The following KIF23 variants were observed in gnomAD, a reference collection of about 807,000 sequenced individuals.
KIF23 encodes kinesin-like protein KIF23.
KIF23 carries 30 observed loss-of-function variants against 137.5 expected under a neutral mutation model. That is an observed-to-expected ratio of 0.22 (90% CI 0.16 to 0.30). KIF23 has a LOEUF of 0.30. Ranked by LOEUF, KIF23 falls within the 10% of genes least tolerant of loss-of-function variation. KIF23 has a pLI of 1.00. For synonymous variants in KIF23, 367 were observed against 391.1 expected (o/e 0.94, Z 0.73); for missense variants, 920 against 1,194.3 (o/e 0.77, Z 3.38).
At chr15:69,419,071 C>T (rs1276126107) in intron 3 of KIF23, among the ~76,000 whole-genome samples, 5 of 152,146 alleles carry the variant, frequency 3.3e-5, no homozygotes, top group East Asian at 3.9e-4. Flanking sequence ...GAGCCGAGAT[C>T]GCGCCATTGC....
intron 14 of KIF23, 118 bp from the exon 15 acceptor site, chr15:69,436,446 G>A: frequency 8.4e-7 from 1 of 1,191,566 alleles, no homozygotes. Flanking sequence ...GTAAACTTAT[G>A]TCAGCTCAAG....
At chr15:69,446,241 A>C (rs1162776431) in intron 21 of KIF23, 42 bp from the exon 22 acceptor site, 1 of 1,576,432 alleles carries the variant, frequency 6.3e-7, no homozygotes, top group South Asian at 1.1e-5. Context: ...TCCTCTTCTT[A>C]GATGGAAAAA....
chr15:69,444,573 A>G lies in KIF23; in HGVS notation c.2422-217A>G. On this transcript the variant is annotated intron_variant, in intron 19 of 23. Coordinates refer to ENST00000679126, the MANE Select transcript of KIF23 (RefSeq NM_001367805.3). This position sits in a 1 kb window ranked among gnomAD's most constrained non-coding sequence, Gnocchi z 4.2. Reference sequence around the variant, plus strand: ...GAATTTTTTCTTTTATCCTTTATTGAAAGGGAAACTCCCAGATAGAATGTG... The same window carrying G: ...GAATTTTTTCTTTTATCCTTTATTGGAAGGGAAACTCCCAGATAGAATGTG... 1 of 522,850 alleles carries G rather than the reference A, an allele frequency of 1.9e-6. No homozygotes were observed. Among genetic ancestry groups the G allele is most frequent in the Non-Finnish European group, 3.3e-6 (1 of 302,510 alleles). 32.4% of individuals were successfully genotyped at this position (522,850 alleles called of 1,614,324 possible). A position where few individuals can be genotyped will look rare whatever the true frequency, so the allele number is the denominator to read the frequency against.
At chr15:69,438,009 T>G (rs570050311) in intron 15 of KIF23, among the ~76,000 whole-genome samples, 17 of 152,260 alleles carry the variant, frequency 1.1e-4, no homozygotes, top group Non-Finnish European at 2.2e-4. Context: ...GAGAATGCTA[T>G]AGTGCACAGT....
intron 3 of KIF23, among the ~76,000 whole-genome samples, chr15:69,419,975 A>C (rs1267145232): frequency 6.6e-6 from 1 of 152,164 alleles, no homozygotes; most frequent in African/African-American, 2.4e-5. Context: ...TAATGAAAAG[A>C]GCATTGCTGC....
At position 69,416,300 on chromosome 15, in the gene KIF23, C is replaced by G. The variant is rs181341703; in HGVS notation, c.81+237C>G. Reference sequence around the variant, plus strand: ...AAGTCTTTGGTTGTCAACTGCATACCTTCTGTAATTATAATTTGGAGAGTT... The same window carrying G: ...AAGTCTTTGGTTGTCAACTGCATACGTTCTGTAATTATAATTTGGAGAGTT... On this transcript the variant is annotated intron_variant, in intron 2 of 23. Transcript: ENST00000679126. Among the ~76,000 whole-genome samples, 374 of 152,188 alleles carry G rather than the reference C, an allele frequency of 2.5e-3. 1 individual carries two copies. Among genetic ancestry groups the G allele is most frequent in the African/African-American group, 8.5e-3 (355 of 41,526 alleles).
chr15:69,445,156 G>A, intron 20 of KIF23, 115 bp downstream of exon 20: 1 of 1,009,816 alleles, frequency 9.9e-7, no homozygotes, highest in Non-Finnish European at 1.4e-6. Flanking sequence ...ACATCAGTAG[G>A]TATTTGATAT....
chr15:69,442,364 C>G (rs2057641947), intron 19 of KIF23, among the ~76,000 whole-genome samples: 1 of 152,184 alleles, frequency 6.6e-6, no homozygotes, highest in East Asian at 1.9e-4. Flanking sequence ...TCTTTTGAAT[C>G]TGAATAAATG....
At chr15:69,424,909 G>T (rs1256952729) in intron 7 of KIF23, among the ~76,000 whole-genome samples, 1 of 152,106 alleles carries the variant, frequency 6.6e-6, no homozygotes, top group Admixed American at 6.5e-5. Context: ...ATGTATGCTC[G>T]TGTGCCAACT....
rs1389591472 is a variant in KIF23 at position 69,426,404 on chromosome 15, A to G, written c.958A>G (p.Asn320Asp). 1 of 1,614,028 alleles carries G rather than the reference A, an allele frequency of 6.2e-7. No homozygotes were observed. The highest frequency in any genetic ancestry group is 1.3e-5 in the African/African-American group (1 of 74,932). ...RESSRSHSVFNIKLVQAPLDA... is the reference protein window; with the variant it reads ...RESSRSHSVFDIKLVQAPLDA... ...GTCCAGCCGTTCCCATAGCGTGTTCAACATTAAATTAGTTCAGGCTCCCTT... is the reference window on the plus strand; with the variant it reads ...GTCCAGCCGTTCCCATAGCGTGTTCGACATTAAATTAGTTCAGGCTCCCTT... Residue 320 changes from asparagine (N) to aspartate (D), a missense_variant, in exon 10 of 24, where the codon AAC (asparagine) becomes GAC (aspartate). Coordinates refer to ENST00000679126, the MANE Select transcript of KIF23 (RefSeq NM_001367805.3).
intron 11 of KIF23, chr15:69,434,617 G>A (rs1205133717): frequency 1.5e-6 from 2 of 1,366,832 alleles, no homozygotes; most frequent in African/African-American, 2.9e-5. Flanking sequence ...TAGAAACATA[G>A]TTGATGATGT....
At chr15:69,414,782 G>T in intron 1 of KIF23, 1 of 344,856 alleles carries the variant, frequency 2.9e-6, no homozygotes, top group Non-Finnish European at 5.2e-6. Flanking sequence ...GGGCGGGGCA[G>T]TCCTCCTCGG....
intron 11 of KIF23, chr15:69,434,837 C>T (rs1056380611): frequency 1.1e-6 from 1 of 890,664 alleles, no homozygotes; most frequent in Admixed American, 2.0e-5. Context: ...CAGTAATGTC[C>T]AGGCACAGGG....
chr15:69,430,464 T>G (rs889893211), intron 11 of KIF23, among the ~76,000 whole-genome samples: 2 of 152,092 alleles, frequency 1.3e-5, no homozygotes, highest in Non-Finnish European at 2.9e-5. Context: ...ATAGAGGAGA[T>G]CAGTAGATAA....
Position 69,440,304 on chromosome 15 carries a change from G to T in KIF23, c.1930-4G>T, listed in dbSNP as rs750744328. 1 of 1,611,428 alleles carries T rather than the reference G, an allele frequency of 6.2e-7. No homozygotes were observed. Among genetic ancestry groups the T allele is most frequent in the Admixed American group, 1.7e-5 (1 of 59,600 alleles). On this transcript the variant is annotated splice_region_variant and splice_polypyrimidine_tract_variant and intron_variant, in intron 17 of 23. Transcript: ENST00000679126. ...TAATATACATTGCCACTGATAATCT[G>T]TAGGAGCGTAGAGTGGCAGCCAAAC...
chr15:69,424,880 C>T (rs1476560797), intron 7 of KIF23, among the ~76,000 whole-genome samples: 1 of 152,222 alleles, frequency 6.6e-6, no homozygotes, highest in Non-Finnish European at 1.5e-5. Context: ...TGACTCTAAT[C>T]TTGAGTATAC....
At chr15:69,416,745 A>G (rs1328172527) in intron 2 of KIF23, among the ~76,000 whole-genome samples, 1 of 152,158 alleles carries the variant, frequency 6.6e-6, no homozygotes, top group Non-Finnish European at 1.5e-5. Flanking sequence ...ACCTGAGGTC[A>G]GGAGTTCGAG....
At position 69,446,912 on chromosome 15, in the gene KIF23, A is replaced by G; in HGVS notation, c.2880A>G (p.Gly960=). The change falls in exon 23 of 24, where the codon GGA becomes GGG. Residue 960 remains glycine, a synonymous_variant. Coordinates refer to ENST00000679126, the MANE Select transcript of KIF23 (RefSeq NM_001367805.3). ...AGATGAGAGCAGGATCCCAGCTGGG[A>G]CCTGGATATCAGCATCACGCACAAC... ...AVEMRAGSQL[G]PGYQHHAQPK... The G allele has an allele frequency of 6.2e-7, 1 of 1,614,204 alleles. No individual in the cohort carries two copies.
intron 10 of KIF23, among the ~76,000 whole-genome samples, chr15:69,426,940 G>A (rs2057210336): frequency 6.6e-6 from 1 of 151,964 alleles, no homozygotes; most frequent in South Asian, 2.1e-4. Flanking sequence ...GTTACATAGT[G>A]TTTACATTGT....
Sources: gnomAD v4.1 joint callset for allele counts (sites outside exome capture counted in the v4.1 genomes callset) on GRCh38, gnomAD v4.1.1 for gene constraint, Gnocchi (gnomAD v3.1) non-coding constraint, MANE v1.5 for transcripts, NCBI Gene and HGNC (gene_info 2026-07-23, HGNC 2026-07-21) for gene names.